PBX3: variants seen among roughly 807,000 people sequenced by gnomAD.
The protein encoded by PBX3 is pre-B-cell leukemia transcription factor 3.
In PBX3, 14 loss-of-function variants were observed where a neutral mutation model predicts 48.5. That is an observed-to-expected ratio of 0.29 (90% confidence interval 0.19 to 0.45). The LOEUF is 0.45. PBX3 is among the 20% of genes least tolerant of loss of function. The pLI, the probability that PBX3 is intolerant of heterozygous loss-of-function variation, is 1.00. For missense variants in PBX3, 386 were observed against 546.7 expected (o/e 0.71, Z 2.93); for synonymous variants, 210 against 200.3 (o/e 1.05, Z -0.41).
At chr9:125,768,679 G>C (rs1311300765) in intron 2 of PBX3, among the ~76,000 whole-genome samples, 6 of 152,172 alleles carry the variant, frequency 3.9e-5, no homozygotes, top group Non-Finnish European at 8.8e-5. Context: ...CATTCAGTCT[G>C]TCATCATATG....
chr9:125,776,024 G>A (rs1289833126), intron 2 of PBX3, among the ~76,000 whole-genome samples: 2 of 152,178 alleles, frequency 1.3e-5, no homozygotes, highest in African/African-American at 4.8e-5. Flanking sequence ...ACATAGGGTT[G>A]TGACAACTAC....
intron 2 of PBX3, among the ~76,000 whole-genome samples, chr9:125,755,978 T>G (rs993739400): frequency 3.3e-5 from 5 of 152,184 alleles, no homozygotes; most frequent in Admixed American, 1.3e-4. Flanking sequence ...TTATCTCTTC[T>G]CAGAAGTGTA....
At chr9:125,862,788 A>G (rs1839892229) in intron 2 of PBX3, among the ~76,000 whole-genome samples, 1 of 152,206 alleles carries the variant, frequency 6.6e-6, no homozygotes, top group Admixed American at 6.5e-5. Flanking sequence ...TGAGTCAATA[A>G]ATGTTTCAGA....
intron 5 of PBX3, among the ~76,000 whole-genome samples, chr9:125,945,528 A>G (rs866048314): frequency 2.0e-5 from 3 of 152,114 alleles, no homozygotes; most frequent in South Asian, 2.1e-4. Context: ...TCTTTTCCCC[A>G]TGATTGTAAC....
intron 2 of PBX3, among the ~76,000 whole-genome samples, chr9:125,811,423 T>A (rs572734053): frequency 3.9e-5 from 6 of 152,248 alleles, no homozygotes. Flanking sequence ...AATTGAATCA[T>A]GGGGGTGGTT....
At chr9:125,779,451 G>A (rs1036107023) in intron 2 of PBX3, among the ~76,000 whole-genome samples, 1 of 132,564 alleles carries the variant, frequency 7.5e-6, no homozygotes, top group African/African-American at 3.0e-5. Context: ...TTAGGGAGTG[G>A]TGATGATTCT....
At chr9:125,958,129 G>A (rs1346939543) in intron 5 of PBX3, among the ~76,000 whole-genome samples, 1 of 152,178 alleles carries the variant, frequency 6.6e-6, no homozygotes, top group Non-Finnish European at 1.5e-5. Context: ...TCCTGGTGCA[G>A]AAATTCCTCC....
chr9:125,870,435 A>G (rs1458453865), intron 2 of PBX3, among the ~76,000 whole-genome samples: 4 of 152,168 alleles, frequency 2.6e-5, no homozygotes, highest in Non-Finnish European at 5.9e-5. Context: ...TTATAAAACC[A>G]TCATATCAGG....
At chr9:125,810,382 G>A (rs1588169672) in intron 2 of PBX3, among the ~76,000 whole-genome samples, 1 of 152,050 alleles carries the variant, frequency 6.6e-6, no homozygotes. Context: ...GTGTGTGTGT[G>A]TGTGTGTGTG....
chr9:125,762,260 G>A (rs1836688647), intron 2 of PBX3, among the ~76,000 whole-genome samples: 1 of 151,950 alleles, frequency 6.6e-6, no homozygotes, highest in African/African-American at 2.4e-5. Flanking sequence ...TTAGAGTGCT[G>A]TAAGGCCTTT....
intron 2 of PBX3, among the ~76,000 whole-genome samples, chr9:125,834,548 C>T (rs999115955): frequency 1.3e-5 from 2 of 151,694 alleles, no homozygotes; most frequent in Non-Finnish European, 2.9e-5. Flanking sequence ...CAGGCACCAC[C>T]ACTGCGACCG....
At chr9:125,864,388 A>G (rs1839931410) in intron 2 of PBX3, among the ~76,000 whole-genome samples, 2 of 152,146 alleles carry the variant, frequency 1.3e-5, no homozygotes, top group Admixed American at 1.3e-4. Flanking sequence ...CAATTTTTCC[A>G]TGAATGGGGG....
chr9:125,852,560 G>A, intron 2 of PBX3, among the ~76,000 whole-genome samples: 1 of 152,144 alleles, frequency 6.6e-6, no homozygotes, highest in Admixed American at 6.5e-5. Flanking sequence ...TTTCTAAACA[G>A]CCTGAATGTG....
At chr9:125,791,293 G>GTCTATCTA (rs1257366822) in intron 2 of PBX3, among the ~76,000 whole-genome samples, 1 of 127,726 alleles carries the variant, frequency 7.8e-6, no homozygotes, top group Non-Finnish European at 1.7e-5. Flanking sequence ...CTGTCTGTCT[G>GTCTATCTA]TCTGTCTGTC....
intron 2 of PBX3, among the ~76,000 whole-genome samples, chr9:125,766,065 C>A (rs1836794405): frequency 6.6e-6 from 1 of 152,038 alleles, no homozygotes; most frequent in Non-Finnish European, 1.5e-5. Flanking sequence ...TTTTAGTTTT[C>A]ATTCTCAAAG....
chr9:125,861,359 G>T (rs1016494006), intron 2 of PBX3, among the ~76,000 whole-genome samples: 1 of 152,028 alleles, frequency 6.6e-6, no homozygotes, highest in African/African-American at 2.4e-5. Flanking sequence ...TGTTGGTGAA[G>T]ATGTGTAGAA....
intron 2 of PBX3, among the ~76,000 whole-genome samples, chr9:125,782,896 T>G (rs759209957): frequency 1.3e-5 from 2 of 152,206 alleles, no homozygotes; most frequent in African/African-American, 4.8e-5. Flanking sequence ...TTTTTCACCT[T>G]CATAGTTTCT....
chr9:125,931,519 A>G (rs543986337), intron 4 of PBX3, among the ~76,000 whole-genome samples: 1 of 152,184 alleles, frequency 6.6e-6, no homozygotes, highest in African/African-American at 2.4e-5. Flanking sequence ...CCTGGTCTTG[A>G]ACTCCTGAAC....
intron 2 of PBX3, among the ~76,000 whole-genome samples, chr9:125,838,110 G>A (rs527278754): frequency 9.2e-5 from 14 of 152,166 alleles, no homozygotes; most frequent in Non-Finnish European, 1.6e-4. Flanking sequence ...AGACTGAAAT[G>A]CAGTGGCATG....
Sources: allele counts gnomAD v4.1 joint callset (sites outside exome capture counted in the v4.1 genomes callset), GRCh38; gene constraint gnomAD v4.1.1; transcripts MANE v1.5; gene names NCBI Gene and HGNC (gene_info 2026-07-23, HGNC 2026-07-21).